Variants in DNAJC27 observed in about 807,000 individuals in gnomAD.
DNAJC27 encodes the protein DnaJ heat shock protein family (Hsp40) member C27, also known as dnaJ homolog subfamily C member 27.
Under a neutral mutation model 31.4 loss-of-function variants are expected in DNAJC27, and 25 were observed. The observed-to-expected ratio is 0.80, with a 90% CI of 0.58 to 1.11. DNAJC27 has a LOEUF of 1.11. Ranked by LOEUF, DNAJC27 falls within the 50% of genes most tolerant of loss-of-function variation. The probability of loss-of-function intolerance (pLI) is 0.00; values close to 1 mark genes in which losing one functional copy is unlikely to be tolerated. For missense variants in DNAJC27, 356 were observed against 347.3 expected, an observed-to-expected ratio of 1.02 and a Z score of -0.20; for synonymous variants, 106 against 112.7, an observed-to-expected ratio of 0.94 and a Z score of 0.37.
At chr2:24,966,143 G>A (rs1409023615) in intron 2 of DNAJC27, among the ~76,000 whole-genome samples, 1 of 152,186 alleles carries the variant, frequency 6.6e-6, no homozygotes, top group Non-Finnish European at 1.5e-5. Flanking sequence ...ACAGGAGAAT[G>A]TTTATATCTT....
chr2:24,967,236 T>C lies in DNAJC27; in HGVS notation c.145A>G (p.Ile49Val), dbSNP rs778523485. Residue 49 changes from isoleucine (I) to valine (V), a missense_variant, in exon 2 of 7, where the codon ATT becomes GTT. By Grantham distance (29) the Ile-to-Val change is conservative. Transcript: ENST00000264711. ...KRFVSKYLAT[I>V]GIDYGVTKVH... ...TTTGTGACTCCATAGTCAATTCCAATTGTTGCCAGGTATTTAGACACGAAT... is the reference window on the plus strand; with the variant it reads ...TTTGTGACTCCATAGTCAATTCCAACTGTTGCCAGGTATTTAGACACGAAT... 4 of 1,613,826 alleles carry C rather than the reference T, an allele frequency of 2.5e-6. No individual in the cohort carries two copies. Among genetic ancestry groups the C allele is most frequent in the South Asian group, 2.2e-5 (2 of 91,068 alleles).
chr2:24,955,675 CA>C (rs1427518467), intron 5 of DNAJC27, among the ~76,000 whole-genome samples: 1 of 151,962 alleles, frequency 6.6e-6, no homozygotes, highest in East Asian at 1.9e-4. Context: ...TGAAAGCAGC[CA>C]GGGGGTAAAA....
chr2:24,962,205 A>C (rs1197744438), intron 3 of DNAJC27, among the ~76,000 whole-genome samples: 1 of 114,294 alleles, frequency 8.7e-6, no homozygotes, highest in Non-Finnish European at 1.8e-5. Context: ...ACTAAACAAC[A>C]TACTTTTTTT....
Position 24,958,450 on chromosome 2 carries a change from A to G in DNAJC27, c.241-476T>C, listed in dbSNP as rs1665962157. On this transcript the variant is annotated intron_variant, in intron 3 of 6. Coordinates refer to ENST00000264711, the MANE Select transcript of DNAJC27 (RefSeq NM_016544.3). ...GCTTCCCTGACTCTCGGGTCTGCAC[A>G]CCAACTTTAGAACTCCAAACTCAGA... is the stretch of plus-strand genomic sequence containing the variant. 3.2e-5 allele frequency: 7 copies of G among 220,782 alleles called. No homozygotes were observed. The South Asian group carries it at 4.4e-4, about 14-fold the overall frequency. The allele number at this position is 220,782 out of a possible 1,614,324, so 13.7% of individuals were successfully genotyped here. A position where few individuals can be genotyped will look rare whatever the true frequency, so the allele number is the denominator to read the frequency against.
rs541532544 is a variant in DNAJC27 at position 24,961,792 on chromosome 2, A to AT, written c.240+1612dup. Among the ~76,000 whole-genome samples the AT allele has an allele frequency of 5.9e-3, 906 of 152,330 alleles. 4 individuals carry two copies. Among genetic ancestry groups the AT allele is most frequent in the Non-Finnish European group, 9.6e-3 (652 of 68,030 alleles). On this transcript the variant is annotated intron_variant, in intron 3 of 6. Transcript: ENST00000264711. ...TAAAAAATAAATAAGGAGTTGCTTC[A>AT]TATCAATGAGCAAAGAAAGTGGTTT... is the stretch of plus-strand genomic sequence containing the variant.
intron 2 of DNAJC27, among the ~76,000 whole-genome samples, chr2:24,965,468 C>T (rs904036893): frequency 2.6e-5 from 4 of 151,982 alleles, no homozygotes; most frequent in African/African-American, 7.2e-5. Flanking sequence ...GTTGGCCAGG[C>T]TGGTCTCAAA....
At chr2:24,954,851 G>A (rs1665867571) in intron 5 of DNAJC27, among the ~76,000 whole-genome samples, 1 of 152,138 alleles carries the variant, frequency 6.6e-6, no homozygotes, top group African/African-American at 2.4e-5. Context: ...CAGGAGAATG[G>A]CATGAACCCA....
At chr2:24,972,042 G>C (rs1477779833), upstream of DNAJC27, 1 of 635,502 alleles carries the variant, frequency 1.6e-6, no homozygotes, top group African/African-American at 1.9e-5. Flanking sequence ...CCCCGCCGCT[G>C]CCTGGCAGCA....
rs552801419 is a variant in DNAJC27, at chr2:24,957,210, T to C, written c.406-45A>G. On this transcript the variant is annotated intron_variant, in intron 4 of 6. Coordinates refer to ENST00000264711, the MANE Select transcript of DNAJC27 (RefSeq NM_016544.3). ...GGACAGAGAGAAGATTACAATCTTGTCCTACTAGAATGGACCCAGTGAGGG... is the reference window on the plus strand; with the variant it reads ...GGACAGAGAGAAGATTACAATCTTGCCCTACTAGAATGGACCCAGTGAGGG... 172 of 1,547,312 alleles carry C rather than the reference T, an allele frequency of 1.1e-4. 2 individuals are homozygous for C. In the South Asian group the frequency reaches 2.0e-3, roughly 18 times the overall value.
intron 2 of DNAJC27, 21 bp downstream of exon 2, chr2:24,967,190 C>T: frequency 6.3e-7 from 1 of 1,593,832 alleles, no homozygotes; most frequent in Non-Finnish European, 8.6e-7. Context: ...ACTTACAAAC[C>T]CAGGGAAACA....
rs1665676674 is a variant in DNAJC27 at position 24,947,568 on chromosome 2, A to T, written c.*48T>A. ...CACGTTGGTTATTTCACCTCTAGGG[A>T]AAGTCTGTTTGCATTTGAGTCCCAC... On this transcript the variant is annotated 3_prime_UTR_variant, in exon 7 of 7. Coordinates refer to ENST00000264711, the MANE Select transcript of DNAJC27 (RefSeq NM_016544.3). 3.2e-6 allele frequency: 5 copies of T among 1,556,676 alleles called. No homozygotes were observed. In the Admixed American group the frequency reaches 9.0e-5, roughly 28 times the overall value.
intron 2 of DNAJC27, among the ~76,000 whole-genome samples, chr2:24,964,533 A>G (rs965096568): frequency 4.6e-5 from 7 of 152,190 alleles, no homozygotes; most frequent in African/African-American, 1.7e-4. Context: ...AGATGTAGTG[A>G]AATGACCTAT....
chr2:24,949,917 C>A (rs187647563), intron 6 of DNAJC27, among the ~76,000 whole-genome samples: 1 of 148,576 alleles, frequency 6.7e-6, no homozygotes, highest in African/African-American at 2.5e-5. Flanking sequence ...TCAGTGCAAT[C>A]TTACTGAAAC....
rs1024313421 is a variant in DNAJC27 at position 24,945,611 on chromosome 2, G to C, written c.*2005C>G. ...GTCTGAGTGCTTTCAGCATGATAAA[G>C]GCCTTCCTTAAGCAAAATTTAGGTC... On this transcript the variant is annotated 3_prime_UTR_variant, in exon 7 of 7. Coordinates refer to ENST00000264711, the MANE Select transcript of DNAJC27 (RefSeq NM_016544.3). 2 of 152,212 alleles carry C rather than the reference G, an allele frequency of 1.3e-5. No individual in the cohort carries two copies. The highest frequency in any genetic ancestry group is 1.3e-4 in the Admixed American group (2 of 15,280). 9.4% of individuals were successfully genotyped at this position (152,212 alleles called of 1,614,324 possible).
rs139523732 is a variant in DNAJC27, at chr2:24,943,901, C to T, written c.*3715G>A. 0.022 allele frequency: 3,355 copies of T among 152,618 alleles called. 65 individuals are homozygous for T. The highest frequency in any genetic ancestry group is 0.036 in the Non-Finnish European group (2,460 of 68,040). The allele number at this position is 152,618 out of a possible 1,614,324, so 9.5% of individuals were successfully genotyped here. A position where few individuals can be genotyped will look rare whatever the true frequency, so the allele number is the denominator to read the frequency against. On this transcript the variant is annotated 3_prime_UTR_variant, in exon 7 of 7. Transcript: ENST00000264711. Reference sequence around the variant, plus strand: ...GCAAAACTCATCTTGCCAACAGGGCCTCTATTGCACCGCCTAATATTGCAC... The same window carrying T: ...GCAAAACTCATCTTGCCAACAGGGCTTCTATTGCACCGCCTAATATTGCAC...
rs192678235 is a variant in DNAJC27, at chr2:24,962,796, A to G, written c.240+609T>C. ...AACAAAAAGAGCAAAATAAGCTTAA[A>G]GCAAGCAGAGAGAAGGAAATGATAA... On this transcript the variant is annotated intron_variant, in intron 3 of 6. Coordinates refer to ENST00000264711, the MANE Select transcript of DNAJC27 (RefSeq NM_016544.3). Among the ~76,000 whole-genome samples, 12 of 152,332 alleles carry G rather than the reference A, an allele frequency of 7.9e-5. No homozygotes were observed. In the East Asian group the frequency reaches 1.9e-3, roughly 24 times the overall value.
chr2:24,960,346 C>G (rs551088561), intron 3 of DNAJC27, among the ~76,000 whole-genome samples: 23 of 152,330 alleles, frequency 1.5e-4, no homozygotes, highest in Non-Finnish European at 3.1e-4. Flanking sequence ...TGCCCCATCT[C>G]TCTCCCACTC....
At position 24,944,188 on chromosome 2, in the gene DNAJC27, GGCAAAGGA is replaced by G. The variant is rs906332584; in HGVS notation, c.*3420_*3427del. 6 of 152,108 alleles carry G rather than the reference GGCAAAGGA, an allele frequency of 3.9e-5. No individual in the cohort carries two copies. The highest frequency in any genetic ancestry group is 1.4e-4 in the African/African-American group (6 of 41,400). The allele number at this position is 152,108 out of a possible 1,614,324, so 9.4% of individuals were successfully genotyped here. On this transcript the variant is annotated 3_prime_UTR_variant, in exon 7 of 7. Transcript: ENST00000264711. ...CAGAGTAAGCTTGATGGGGTACAGT[GGCAAAGGA>G]GGTGACATTCCCATGCCTAGTGGAA...
chr2:24,957,165 T>A lies in DNAJC27; in HGVS notation c.406A>T (p.Ile136Phe). 6.3e-7 allele frequency: 1 copy of A among 1,593,946 alleles called. No homozygotes were observed. Among genetic ancestry groups the A allele is most frequent in the Non-Finnish European group, 8.5e-7 (1 of 1,173,438 alleles). The change falls in exon 5 of 7, where the codon ATT becomes TTT. Residue 136 changes from isoleucine to phenylalanine, a missense_variant and splice_region_variant. Transcript: ENST00000264711. ...ACACAGCGATGTTTGGTACAATCAA[T>A]CTGAAATAGAAGGGGCGGGGGACAG... is the stretch of plus-strand genomic sequence containing the variant. ...NIIFVVCANK[I>F]DCTKHRCVDE...
Sources: allele counts gnomAD v4.1 joint callset (sites outside exome capture counted in the v4.1 genomes callset), GRCh38; gene constraint gnomAD v4.1.1; transcripts MANE v1.5; gene names NCBI Gene and HGNC (gene_info 2026-07-23, HGNC 2026-07-21).